RNF220: variants seen among roughly 807,000 people sequenced by gnomAD.
The protein encoded by RNF220 is E3 ubiquitin-protein ligase RNF220.
Under a neutral mutation model 67.1 loss-of-function variants are expected in RNF220, and 7 were observed. The observed-to-expected ratio is 0.10, with a 90% CI of 0.06 to 0.20. RNF220 has a LOEUF of 0.20. Among genes scored for constraint, RNF220 ranks in the 10% least tolerant of loss-of-function variants. RNF220 has a pLI of 1.00. For missense variants in RNF220, 565 were observed against 740.3 expected, an observed-to-expected ratio of 0.76 and a Z score of 2.75; for synonymous variants, 270 against 283.2, an observed-to-expected ratio of 0.95 and a Z score of 0.47.
chr1:44,459,867 C>G (rs750372046), intron 2 of RNF220, among the ~76,000 whole-genome samples: 46 of 152,176 alleles, frequency 3.0e-4, no homozygotes, highest in Non-Finnish European at 6.6e-4. Flanking sequence ...GTTCTCAATG[C>G]ATACTTGCTA....
chr1:44,619,086 CG>C (rs1052688378), intron 3 of RNF220, among the ~76,000 whole-genome samples: 4 of 137,876 alleles, frequency 2.9e-5, no homozygotes, highest in African/African-American at 1.1e-4. Flanking sequence ...GGTTGAAGGG[CG>C]GGGGTGGAGG....
At chr1:44,480,329 C>G (rs1655681400) in intron 2 of RNF220, among the ~76,000 whole-genome samples, 1 of 152,114 alleles carries the variant, frequency 6.6e-6, no homozygotes, top group South Asian at 2.1e-4. Flanking sequence ...AACGCTTGAG[C>G]CTGGGACGTA....
At chr1:44,582,958 A>T (rs1338361608) in intron 2 of RNF220, among the ~76,000 whole-genome samples, 1 of 152,030 alleles carries the variant, frequency 6.6e-6, no homozygotes, top group Non-Finnish European at 1.5e-5. Context: ...GTGAGTCGAG[A>T]TCACGCCATT....
chr1:44,454,656 G>GT (rs200541444), intron 2 of RNF220, among the ~76,000 whole-genome samples: 1,505 of 142,572 alleles, frequency 0.011, 31 homozygotes, highest in Admixed American at 0.04. Flanking sequence ...ATTTTGGTGG[G>GT]TTTTTTTTTT....
In RNF220 at chr1:44,405,401, G is replaced by C; in HGVS notation, c.-247G>C. On this transcript the variant is annotated 5_prime_UTR_variant, in exon 1 of 15. Transcript: ENST00000361799. ...TACTGCTGCTGCTGCTGCTGCCGCT[G>C]CCGCCGCCGCCGCCGCCGCTGCCTC... The C allele has an allele frequency of 1.8e-6, 1 of 557,334 alleles. No individual in the cohort carries two copies. The highest frequency in any genetic ancestry group is 3.2e-6 in the Non-Finnish European group (1 of 309,240). 34.5% of individuals were successfully genotyped at this position (557,334 alleles called of 1,614,324 possible).
chr1:44,598,910 A>G lies in RNF220; in HGVS notation c.626-15255A>G, dbSNP rs77048895. On this transcript the variant is annotated intron_variant, in intron 2 of 14. Transcript: ENST00000361799. ...AAAAGAAGGTTTCGGCATTGCCTCA[A>G]TTGCCTTCCTTCCCCTATCCCCACC... 0.012 allele frequency among the ~76,000 whole-genome samples: 1,883 copies of G among 152,130 alleles called. 170 individuals carry two copies. The East Asian group carries it at 0.24, about 19-fold the overall frequency.
intron 5 of RNF220, 45 bp from the exon 6 acceptor site, chr1:44,632,298 A>T (rs1467928524): frequency 6.2e-7 from 1 of 1,613,944 alleles, no homozygotes; most frequent in Admixed American, 1.7e-5. Flanking sequence ...GCCGCGCCTG[A>T]CGCTCTCTTT....
In RNF220 at chr1:44,417,674, C is replaced by A. The variant is rs955183920; in HGVS notation, c.625+4952C>A. Among the ~76,000 whole-genome samples the A allele has an allele frequency of 2.0e-5, 3 of 152,166 alleles. No individual in the cohort carries two copies. The highest frequency in any genetic ancestry group is 7.2e-5 in the African/African-American group (3 of 41,448). On this transcript the variant is annotated intron_variant, in intron 2 of 14. Coordinates refer to ENST00000361799, the MANE Select transcript of RNF220 (RefSeq NM_018150.4). This position sits in a 1 kb window ranked among gnomAD's most constrained non-coding sequence, Gnocchi z 4.0. ...CATCAATTGTCATGCAGAAGTGATC[C>A]GGGCTGCCGTTTTCTCGCGGCCGCC...
intron 2 of RNF220, among the ~76,000 whole-genome samples, chr1:44,599,142 T>C (rs1666744055): frequency 6.6e-6 from 1 of 152,126 alleles, no homozygotes; most frequent in African/African-American, 2.4e-5. Context: ...TCAGCTACTC[T>C]GGGCACACTG....
intron 2 of RNF220, among the ~76,000 whole-genome samples, chr1:44,597,800 C>T (rs2148390150): frequency 6.6e-6 from 1 of 152,230 alleles, no homozygotes; most frequent in East Asian, 1.9e-4. Flanking sequence ...CTTACATGGA[C>T]CTCTTTCTCT....
At chr1:44,416,121 C>G (rs186760647) in intron 2 of RNF220, among the ~76,000 whole-genome samples, 3 of 152,154 alleles carry the variant, frequency 2.0e-5, no homozygotes, top group Non-Finnish European at 4.4e-5. Flanking sequence ...AAACAAGCAG[C>G]CTTTACTCTG....
intron 2 of RNF220, among the ~76,000 whole-genome samples, chr1:44,540,653 C>T (rs1661601970): frequency 6.6e-6 from 1 of 152,132 alleles, no homozygotes; most frequent in South Asian, 2.1e-4. Flanking sequence ...AAACTGCCTA[C>T]ATTTGATTTT....
intron 2 of RNF220, among the ~76,000 whole-genome samples, chr1:44,612,118 C>T (rs2148424168): frequency 6.6e-6 from 1 of 152,380 alleles, no homozygotes. Flanking sequence ...ATCAGTAGGA[C>T]TTCCTCCCCT....
chr1:44,614,072 C>G, intron 2 of RNF220, 93 bp from the exon 3 acceptor site: 1 of 1,547,990 alleles, frequency 6.5e-7, no homozygotes, highest in Admixed American at 1.7e-5. Context: ...CCCTAGAGGG[C>G]AGCAGCAGGC....
At chr1:44,534,663 C>G (rs1257613509) in intron 2 of RNF220, among the ~76,000 whole-genome samples, 4 of 152,102 alleles carry the variant, frequency 2.6e-5, no homozygotes, top group African/African-American at 4.8e-5. Flanking sequence ...GTGGTCATTC[C>G]TTTATCATCA....
intron 2 of RNF220, among the ~76,000 whole-genome samples, chr1:44,597,500 ACACACACACACG>A (rs1666596719): frequency 7.0e-6 from 1 of 142,084 alleles, no homozygotes; most frequent in African/African-American, 2.9e-5. Context: ...ACACACACAC[ACACACACACACG>A]AACCTCCCTC....
chr1:44,449,009 G>T (rs776642893), intron 2 of RNF220, among the ~76,000 whole-genome samples: 1 of 152,212 alleles, frequency 6.6e-6, no homozygotes, highest in East Asian at 1.9e-4. Flanking sequence ...GCTACTCACT[G>T]TACAACCACA....
chr1:44,440,595 A>ACC, intron 2 of RNF220, among the ~76,000 whole-genome samples: 1 of 152,228 alleles, frequency 6.6e-6, no homozygotes, highest in African/African-American at 2.4e-5. Context: ...TGACCAATAT[A>ACC]CAGCTAGTTA....
At chr1:44,408,158 C>T (rs1050733288) in intron 1 of RNF220, among the ~76,000 whole-genome samples, 1 of 152,160 alleles carries the variant, frequency 6.6e-6, no homozygotes, top group Admixed American at 6.5e-5. Flanking sequence ...TCTTCTTCCC[C>T]CGTTTTCCCT....
Sources: gnomAD v4.1 joint callset for allele counts (sites outside exome capture counted in the v4.1 genomes callset) on GRCh38, gnomAD v4.1.1 for gene constraint, Gnocchi (gnomAD v3.1) non-coding constraint, MANE v1.5 for transcripts, NCBI Gene and HGNC (gene_info 2026-07-23, HGNC 2026-07-21) for gene names.